ZDHHC1: variants seen among roughly 807,000 people sequenced by gnomAD.
ZDHHC1 encodes the protein zDHHC palmitoyltransferase 1, also known as palmitoyltransferase ZDHHC1.
Under a neutral mutation model 46.9 loss-of-function variants are expected in ZDHHC1, and 45 were observed. That is an observed-to-expected ratio of 0.96 (90% CI 0.76 to 1.23). The LOEUF is 1.23. Ranked by LOEUF, ZDHHC1 falls within the 50% of genes most tolerant of loss-of-function variation. The pLI, the probability that ZDHHC1 is intolerant of heterozygous loss-of-function variation, is 0.00. For synonymous variants in ZDHHC1, 291 were observed against 286.0 expected (o/e 1.02, Z -0.18); for missense variants, 649 against 670.8 (o/e 0.97, Z 0.36).
rs1384981582 is a variant in ZDHHC1, at chr16:67,406,720, C to CA, written c.10-279dup. Among the ~76,000 whole-genome samples the CA allele has an allele frequency of 4.6e-5, 7 of 152,220 alleles. No homozygotes were observed. The highest frequency in any genetic ancestry group is 2.6e-4 in the Admixed American group (4 of 15,290). On this transcript the variant is annotated intron_variant, in intron 2 of 11. Coordinates refer to ENST00000565726, the MANE Select transcript of ZDHHC1 (RefSeq NM_001323627.2). The surrounding 1 kb of genome is among the most constrained non-coding windows in gnomAD (Gnocchi z 4.1). ...GGACACAGTGCTGCTGCCTGTAACT[C>CA]AAAGTGCTGTCTTCACAGCCATCAC...
intron 5 of ZDHHC1, among the ~76,000 whole-genome samples, 153 bp downstream of exon 5, chr16:67,399,202 A>G (rs755109352): frequency 9.2e-5 from 14 of 152,168 alleles, no homozygotes; most frequent in Admixed American, 4.6e-4. Flanking sequence ...ACCCAGGAGC[A>G]TCACTCTCTC....
intron 4 of ZDHHC1, among the ~76,000 whole-genome samples, chr16:67,400,172 T>C (rs1240146622): frequency 1.3e-5 from 2 of 152,214 alleles, no homozygotes; most frequent in African/African-American, 4.8e-5. Flanking sequence ...GATGGCCTCA[T>C]GTCCAAGTCC....
chr16:67,414,470 T>C (rs377435816), intron 1 of ZDHHC1, among the ~76,000 whole-genome samples: 2 of 152,320 alleles, frequency 1.3e-5, no homozygotes, highest in East Asian at 3.9e-4. Flanking sequence ...TCTGCTGTCA[T>C]TACCCCAATC....
intron 1 of ZDHHC1, among the ~76,000 whole-genome samples, chr16:67,414,973 C>G (rs1009296298): frequency 3.3e-5 from 5 of 152,064 alleles, no homozygotes; most frequent in Non-Finnish European, 5.9e-5. Context: ...CCCGTTTCTA[C>G]TAAAAATACA....
At chr16:67,409,767 T>C (rs1197897788) in intron 1 of ZDHHC1, among the ~76,000 whole-genome samples, 1 of 152,216 alleles carries the variant, frequency 6.6e-6, no homozygotes, top group Non-Finnish European at 1.5e-5. Flanking sequence ...CGTAGCCAGC[T>C]GGCACCCTCT....
chr16:67,399,686 T>TAAGGAGGTGC (rs750063920), intron 4 of ZDHHC1, among the ~76,000 whole-genome samples: 15 of 151,606 alleles, frequency 9.9e-5, no homozygotes, highest in Non-Finnish European at 1.6e-4. Flanking sequence ...GCAGGAGGGG[T>TAAGGAGGTGC]AAGGAGGTGC....
chr16:67,395,224 G>A lies in ZDHHC1; in HGVS notation c.1067C>T (p.Pro356Leu), dbSNP rs746633239. 32 of 1,607,530 alleles carry A rather than the reference G, an allele frequency of 2.0e-5. 2 individuals are homozygous for A. Among genetic ancestry groups the A allele is most frequent in the South Asian group, 1.6e-4 (14 of 90,138 alleles). Residue 356 changes from proline (P) to leucine (L), a missense_variant, in exon 10 of 12, where the codon CCA becomes CTA. Transcript: ENST00000565726. Reference protein sequence around the residue: ...GQAEPPPPSSPDTLALPPRIR... With the variant: ...GQAEPPPPSSLDTLALPPRIR... ...CCGGGGAGGCAGGGCGAGAGTGTCT[G>A]GGGAAGAGGGTGGTGGAGGTTCCGC...
chr16:67,407,180 C>G (rs1390044244), intron 2 of ZDHHC1, among the ~76,000 whole-genome samples: 1 of 152,236 alleles, frequency 6.6e-6, no homozygotes, highest in Non-Finnish European at 1.5e-5. Context: ...CAGATGGCAT[C>G]AACCACCCCC....
Position 67,406,326 on chromosome 16 carries a change from A to G in ZDHHC1, c.126T>C (p.Asn42=). The part of the protein sequence containing the change: ...PELQGQRSRR[N]GWSWPPHPLQ... ...GCGGGTGAGGGGGCCAGCTCCACCC[A>G]TTCCGGCGGGATCGCTGGCCCTGCA... is the stretch of plus-strand genomic sequence containing the variant. The change falls in exon 3 of 12, where the codon AAT becomes AAC. Residue 42 remains asparagine, a synonymous_variant. Coordinates refer to ENST00000565726, the MANE Select transcript of ZDHHC1 (RefSeq NM_001323627.2). This position sits in a 1 kb window ranked among gnomAD's most constrained non-coding sequence, Gnocchi z 4.1. 1 of 1,601,174 alleles carries G rather than the reference A, an allele frequency of 6.2e-7. No individual in the cohort carries two copies. The highest frequency in any genetic ancestry group is 1.3e-5 in the African/African-American group (1 of 74,938).
chr16:67,414,165 T>C (rs1351297015), intron 1 of ZDHHC1, among the ~76,000 whole-genome samples: 3 of 152,144 alleles, frequency 2.0e-5, no homozygotes, highest in Non-Finnish European at 2.9e-5. Context: ...GGTTATTGAC[T>C]TTAACCAGGA....
At chr16:67,395,304 G>C in intron 9 of ZDHHC1, 24 bp from the exon 10 acceptor site, 2 of 1,507,632 alleles carry the variant, frequency 1.3e-6, no homozygotes, top group Admixed American at 4.4e-5. Flanking sequence ...AGGAGGGTAA[G>C]CCTGGGGCCT....
chr16:67,412,836 T>C (rs1276173710), intron 1 of ZDHHC1, among the ~76,000 whole-genome samples: 3 of 152,106 alleles, frequency 2.0e-5, no homozygotes, highest in Admixed American at 6.6e-5. Context: ...GTTTCACTCT[T>C]GTTGCTCAGG....
At chr16:67,400,880 T>A in intron 4 of ZDHHC1, 77 bp downstream of exon 4, 1 of 1,528,324 alleles carries the variant, frequency 6.5e-7, no homozygotes, top group East Asian at 2.3e-5. Context: ...CAGGGATGTC[T>A]GTGAAGCCCT....
rs2040552240 is a variant in ZDHHC1, at chr16:67,401,458, A to C, written c.253-326T>G. Reference sequence around the variant, plus strand: ...TGCAGGCCCTGGCTGGTCTGACCTCAGGCTGGTTTCTGGTTTCAGATTCCA... The same window carrying C: ...TGCAGGCCCTGGCTGGTCTGACCTCCGGCTGGTTTCTGGTTTCAGATTCCA... On this transcript the variant is annotated intron_variant, in intron 3 of 11. Coordinates refer to ENST00000565726, the MANE Select transcript of ZDHHC1 (RefSeq NM_001323627.2). The surrounding 1 kb of genome is among the most constrained non-coding windows in gnomAD (Gnocchi z 4.6). Among the ~76,000 whole-genome samples, 1 of 152,176 alleles carries C rather than the reference A, an allele frequency of 6.6e-6. No individual in the cohort carries two copies. Among genetic ancestry groups the C allele is most frequent in the African/African-American group, 2.4e-5 (1 of 41,436 alleles).
intron 2 of ZDHHC1, among the ~76,000 whole-genome samples, chr16:67,407,161 C>A (rs1409503320): frequency 6.6e-6 from 1 of 152,226 alleles, no homozygotes; most frequent in Non-Finnish European, 1.5e-5. Flanking sequence ...GGACTCAGAG[C>A]CAGACCACCA....
Position 67,399,429 on chromosome 16 carries a change from G to C in ZDHHC1, c.456C>G (p.Ala152=). ...CGAAACCGCACACGCACTTGTTGCAGGCGCTGCAGTGCTTGGAGCGAGCGC... is the reference window on the plus strand; with the variant it reads ...CGAAACCGCACACGCACTTGTTGCACGCGCTGCAGTGCTTGGAGCGAGCGC... ...DVSARSKHCS[A]CNKCVCGFDH... is the part of the protein sequence containing the mutation. The change falls in exon 5 of 12, where the codon GCC becomes GCG. Residue 152 remains alanine, a synonymous_variant. Coordinates refer to ENST00000565726, the MANE Select transcript of ZDHHC1 (RefSeq NM_001323627.2). 1 of 1,613,224 alleles carries C rather than the reference G, an allele frequency of 6.2e-7. No homozygotes were observed. Among genetic ancestry groups the C allele is most frequent in the East Asian group, 2.2e-5 (1 of 44,858 alleles).
At chr16:67,403,474 A>C (rs554288347) in intron 3 of ZDHHC1, among the ~76,000 whole-genome samples, 1 of 152,290 alleles carries the variant, frequency 6.6e-6, no homozygotes, top group South Asian at 2.1e-4. Flanking sequence ...AGGGAGAGAG[A>C]CAAGGGGCTT....
intron 5 of ZDHHC1, 119 bp from the exon 6 acceptor site, chr16:67,399,063 CCCAA>C: frequency 7.2e-7 from 1 of 1,379,968 alleles, no homozygotes; most frequent in Non-Finnish European, 9.6e-7. Context: ...ACCCCACAGC[CCCAA>C]CTCCTCAGAA....
chr16:67,409,429 G>A (rs1262497610), intron 1 of ZDHHC1, among the ~76,000 whole-genome samples: 1 of 152,256 alleles, frequency 6.6e-6, no homozygotes, highest in Admixed American at 6.5e-5. Context: ...GGCTGTGGAT[G>A]TGGGGATGGT....
Sources: gnomAD v4.1 joint callset for allele counts (sites outside exome capture counted in the v4.1 genomes callset) on GRCh38, gnomAD v4.1.1 for gene constraint, Gnocchi (gnomAD v3.1) non-coding constraint, MANE v1.5 for transcripts, NCBI Gene and HGNC (gene_info 2026-07-23, HGNC 2026-07-21) for gene names.